Variants in MKLN1 observed in about 807,000 individuals in gnomAD.
MKLN1 encodes muskelin.
Under a neutral mutation model 99.0 loss-of-function variants are expected in MKLN1, and 18 were observed. That is an observed-to-expected ratio of 0.18 (90% CI 0.13 to 0.27). The LOEUF (loss-of-function observed/expected upper bound fraction) is 0.27. Among genes scored for constraint, MKLN1 ranks in the 10% least tolerant of loss-of-function variants. The pLI, the probability that MKLN1 is intolerant of heterozygous loss-of-function variation, is 1.00. For synonymous variants in MKLN1, 288 were observed against 293.2 expected (o/e 0.98, Z 0.18); for missense variants, 621 against 875.9 (o/e 0.71, Z 3.67).
chr7:131,197,061 T>C (rs942210216), intron 2 of MKLN1, among the ~76,000 whole-genome samples: 1 of 152,092 alleles, frequency 6.6e-6, no homozygotes, highest in African/African-American at 2.4e-5. Context: ...TCTGTTTAAT[T>C]CTCAGAGCTG....
chr7:131,197,982 A>T (rs1796674010), intron 2 of MKLN1, among the ~76,000 whole-genome samples: 1 of 152,122 alleles, frequency 6.6e-6, no homozygotes. Flanking sequence ...CAACAGGCCC[A>T]CACCACCATA....
At chr7:131,451,482 G>A (rs1193189745) in intron 12 of MKLN1, among the ~76,000 whole-genome samples, 1 of 151,692 alleles carries the variant, frequency 6.6e-6, no homozygotes, top group Non-Finnish European at 1.5e-5. Flanking sequence ...ATATAATTCT[G>A]TATTGTCAGA....
intron 3 of MKLN1, among the ~76,000 whole-genome samples, chr7:131,291,123 T>TTATG (rs1798210087): frequency 6.7e-6 from 1 of 149,276 alleles, no homozygotes; most frequent in Non-Finnish European, 1.5e-5. Context: ...ATTTATTTAT[T>TTATG]TATTTATTTA....
At chr7:131,325,909 G>C (rs953825456), upstream of MKLN1, among the ~76,000 whole-genome samples, 1 of 147,340 alleles carries the variant, frequency 6.8e-6, no homozygotes, top group African/African-American at 2.5e-5. Context: ...GTGGGGGGGG[G>C]GTGGTGGTGA....
At chr7:131,446,558 C>T (rs1796025108) in intron 12 of MKLN1, among the ~76,000 whole-genome samples, 1 of 152,180 alleles carries the variant, frequency 6.6e-6, no homozygotes, top group Non-Finnish European at 1.5e-5. Context: ...GAAATTAAAT[C>T]AGCTGCTTTT....
At chr7:131,306,236 CT>C (rs1439397135) in intron 3 of MKLN1, among the ~76,000 whole-genome samples, 1 of 152,166 alleles carries the variant, frequency 6.6e-6, no homozygotes, top group African/African-American at 2.4e-5. Flanking sequence ...TCAGGTAGTT[CT>C]TTATAGCAGT....
At chr7:131,189,544 AAAC>A (rs76029070) in intron 2 of MKLN1, among the ~76,000 whole-genome samples, 50,173 of 150,734 alleles carry the variant, frequency 0.33, 8,619 homozygotes, top group East Asian at 0.56. Flanking sequence ...ACAAAAAAAA[AAAC>A]ACAAAACTCC....
chr7:131,378,890 T>G (rs2116859085), intron 2 of MKLN1, among the ~76,000 whole-genome samples: 1 of 151,978 alleles, frequency 6.6e-6, no homozygotes, highest in Admixed American at 6.5e-5. Context: ...GACTTTTTTT[T>G]TTTTTTTTTG....
In MKLN1 at chr7:131,443,151, G is replaced by A. The variant is rs17743575; in HGVS notation, c.1174-330G>A. On this transcript the variant is annotated intron_variant, in intron 10 of 17. Transcript: ENST00000352689. Reference sequence around the variant, plus strand: ...AAAGAAGGGAATTTTTATAAGGAGGGTATGATCACTATTCACCCAGAATAT... The same window carrying A: ...AAAGAAGGGAATTTTTATAAGGAGGATATGATCACTATTCACCCAGAATAT... 3.9e-3 allele frequency among the ~76,000 whole-genome samples: 587 copies of A among 152,174 alleles called. 5 individuals carry two copies. The highest frequency in any genetic ancestry group is 0.012 in the African/African-American group (507 of 41,506).
intron 3 of MKLN1, among the ~76,000 whole-genome samples, chr7:131,242,352 T>C (rs1279052251): frequency 6.6e-6 from 1 of 152,072 alleles, no homozygotes; most frequent in Non-Finnish European, 1.5e-5. Context: ...CTTGGGCACA[T>C]AGCAAGACTC....
chr7:131,323,036 G>A (rs35287261), upstream of MKLN1, among the ~76,000 whole-genome samples: 30,085 of 152,112 alleles, frequency 0.2, 3,212 homozygotes, highest in African/African-American at 0.27. Context: ...CACAGAGCCA[G>A]ACCATATCAC....
At chr7:131,160,283 T>A (rs1412836412) in intron 2 of MKLN1, among the ~76,000 whole-genome samples, 1 of 152,116 alleles carries the variant, frequency 6.6e-6, no homozygotes, top group Admixed American at 6.5e-5. Flanking sequence ...TTCCATTGTA[T>A]GAATATACCA....
chr7:131,404,681 T>G (rs1794647883), intron 6 of MKLN1, among the ~76,000 whole-genome samples: 1 of 151,936 alleles, frequency 6.6e-6, no homozygotes, highest in Admixed American at 6.6e-5. Context: ...CACGGCTCAC[T>G]ACAGCCTTGA....
rs1797555914 is a variant in MKLN1 at position 131,496,173 on chromosome 7, G to C, written c.*8445G>C. The stretch of plus-strand genomic sequence containing the variant: ...GTGGAGAAAACCGCTAACTTGTTTG[G>C]TTCTACTCTTACCCCCTCTTCTGTG... On this transcript the variant is annotated 3_prime_UTR_variant, in exon 18 of 18. Coordinates refer to ENST00000352689, the MANE Select transcript of MKLN1 (RefSeq NM_013255.5). The C allele has an allele frequency of 6.6e-6, 1 of 152,054 alleles. No individual in the cohort carries two copies. The highest frequency in any genetic ancestry group is 1.5e-5 in the Non-Finnish European group (1 of 68,032). The allele number at this position is 152,054 out of a possible 1,614,324, so 9.4% of individuals were successfully genotyped here. A position where few individuals can be genotyped will look rare whatever the true frequency, so the allele number is the denominator to read the frequency against.
chr7:131,140,774 C>CTTTTTT (rs35228515), intron 1 of MKLN1, among the ~76,000 whole-genome samples: 3 of 146,890 alleles, frequency 2.0e-5, no homozygotes, highest in Non-Finnish European at 1.5e-5. Context: ...ACACACCATC[C>CTTTTTT]TTTTTTTTTT....
At chr7:131,163,982 T>C (rs1796088916) in intron 2 of MKLN1, among the ~76,000 whole-genome samples, 1 of 152,116 alleles carries the variant, frequency 6.6e-6, no homozygotes, top group African/African-American at 2.4e-5. Context: ...AGGGGGAGGA[T>C]TGGAATAATT....
At chr7:131,257,545 C>G (rs1797674064) in intron 3 of MKLN1, among the ~76,000 whole-genome samples, 1 of 152,176 alleles carries the variant, frequency 6.6e-6, no homozygotes, top group Non-Finnish European at 1.5e-5. Flanking sequence ...TTTCTTTGCC[C>G]TAGTCCCCCA....
intron 11 of MKLN1, among the ~76,000 whole-genome samples, chr7:131,443,935 A>G (rs1038338887): frequency 1.3e-5 from 2 of 152,122 alleles, no homozygotes; most frequent in South Asian, 4.2e-4. Flanking sequence ...GACTAATTTC[A>G]CTGCTTATGT....
At chr7:131,215,409 C>T (rs1276891752) in intron 3 of MKLN1, among the ~76,000 whole-genome samples, 1 of 152,134 alleles carries the variant, frequency 6.6e-6, no homozygotes, top group African/African-American at 2.4e-5. Context: ...GCAATGGCAC[C>T]ACAATAACTC....
Sources: gnomAD v4.1 joint callset for allele counts (sites outside exome capture counted in the v4.1 genomes callset) on GRCh38, gnomAD v4.1.1 for gene constraint, MANE v1.5 for transcripts, NCBI Gene and HGNC (gene_info 2026-07-23, HGNC 2026-07-21) for gene names.